UTRN: variants seen among roughly 807,000 people sequenced by gnomAD.
UTRN encodes the protein utrophin.
Under a neutral mutation model 463.9 loss-of-function variants are expected in UTRN, and 283 were observed. The observed-to-expected ratio is 0.61, with a 90% CI of 0.55 to 0.67. The LOEUF (loss-of-function observed/expected upper bound fraction) is 0.67, where lower values mean the gene tolerates loss of function less well. Among genes scored for constraint, UTRN ranks in the 30% least tolerant of loss-of-function variants. The pLI is 0.00. For missense variants in UTRN, 3,922 were observed against 4,084.3 expected (o/e 0.96, Z 1.08); for synonymous variants, 1,442 against 1,431.5 (o/e 1.01, Z -0.17).
At chr6:144,730,808 A>G (rs1438558831) in intron 54 of UTRN, among the ~76,000 whole-genome samples, 1 of 151,546 alleles carries the variant, frequency 6.6e-6, no homozygotes, top group Non-Finnish European at 1.5e-5. Context: ...AAGTTACATG[A>G]TAAATAATTG....
At position 144,517,680 on chromosome 6, in the gene UTRN, T is replaced by A. The variant is rs114817496; in HGVS notation, c.5541+732T>A. On this transcript the variant is annotated intron_variant, in intron 39 of 74. Transcript: ENST00000367545. ...TTTTCTATGTTTAGATATGTTTAGATACATAAATACTTCCAACTGTGTTTC... is the reference window on the plus strand; with the variant it reads ...TTTTCTATGTTTAGATATGTTTAGAAACATAAATACTTCCAACTGTGTTTC... Among the ~76,000 whole-genome samples the A allele has an allele frequency of 3.6e-3, 552 of 152,358 alleles. 2 individuals are homozygous for A. Among genetic ancestry groups the A allele is most frequent in the African/African-American group, 0.013 (536 of 41,588 alleles).
chr6:144,797,717 T>C, intron 63 of UTRN, 107 bp from the exon 64 acceptor site: 1 of 1,128,296 alleles, frequency 8.9e-7, no homozygotes. Context: ...AAGAGTTATA[T>C]AGTTTCCTCT....
At chr6:144,381,528 G>C (rs964748758) in intron 2 of UTRN, among the ~76,000 whole-genome samples, 4 of 152,172 alleles carry the variant, frequency 2.6e-5, no homozygotes, top group Non-Finnish European at 5.9e-5. Flanking sequence ...TGGCTTGTCT[G>C]TGTCTCCACC....
At chr6:144,535,517 C>T (rs530966028) in intron 43 of UTRN, among the ~76,000 whole-genome samples, 3 of 152,140 alleles carry the variant, frequency 2.0e-5, no homozygotes, top group South Asian at 4.1e-4. Flanking sequence ...GAAGCTAATA[C>T]GTGTTTTTAC....
intron 9 of UTRN, among the ~76,000 whole-genome samples, chr6:144,434,414 G>T (rs1306222835): frequency 1.3e-5 from 2 of 152,192 alleles, no homozygotes; most frequent in Non-Finnish European, 2.9e-5. Flanking sequence ...AAATGTGGAA[G>T]ATGAAGGAGA....
chr6:144,715,677 CTCA>C (rs1786333727), intron 53 of UTRN, among the ~76,000 whole-genome samples: 2 of 144,170 alleles, frequency 1.4e-5, no homozygotes, highest in African/African-American at 2.8e-5. Context: ...TTCTCTCTCT[CTCA>C]TTCTCTCTCT....
intron 19 of UTRN, among the ~76,000 whole-genome samples, chr6:144,456,839 T>G (rs1212317185): frequency 6.6e-6 from 1 of 152,096 alleles, no homozygotes; most frequent in Non-Finnish European, 1.5e-5. Flanking sequence ...TATGAATCAA[T>G]GCCCATTGTG....
At chr6:144,516,784 A>ATT in intron 38 of UTRN, 27 bp from the exon 39 acceptor site, 11 of 1,305,166 alleles carry the variant, frequency 8.4e-6, no homozygotes, top group South Asian at 6.0e-5. Flanking sequence ...CTTTTGAGTC[A>ATT]TTTTTTTTTT....
chr6:144,749,449 C>G (rs962951798), intron 55 of UTRN, among the ~76,000 whole-genome samples: 3 of 152,172 alleles, frequency 2.0e-5, no homozygotes, highest in African/African-American at 7.2e-5. Flanking sequence ...CAACAGACTT[C>G]CAGTTAGCAC....
At chr6:144,310,564 T>C (rs1326389899) in intron 2 of UTRN, among the ~76,000 whole-genome samples, 1 of 125,852 alleles carries the variant, frequency 7.9e-6, no homozygotes, top group African/African-American at 3.1e-5. Flanking sequence ...TGGCTGGGCA[T>C]GGTAGTGCAT....
rs770716923 is a variant in UTRN, at chr6:144,510,926, G to C, written c.4765-18G>C. 2 of 1,540,330 alleles carry C rather than the reference G, an allele frequency of 1.3e-6. No homozygotes were observed. Among genetic ancestry groups the C allele is most frequent in the Non-Finnish European group, 1.8e-6 (2 of 1,137,770 alleles). On this transcript the variant is annotated intron_variant, in intron 34 of 74. Coordinates refer to ENST00000367545, the MANE Select transcript of UTRN (RefSeq NM_007124.3). ...TATTCTGAAGCATCAAGTAGGTCTTGGTGTTTTTATTTTCTAGAATGTTCT... is the reference window on the plus strand; with the variant it reads ...TATTCTGAAGCATCAAGTAGGTCTTCGTGTTTTTATTTTCTAGAATGTTCT...
intron 53 of UTRN, among the ~76,000 whole-genome samples, chr6:144,725,250 C>T (rs1051472657): frequency 2.0e-5 from 3 of 152,202 alleles, no homozygotes; most frequent in Non-Finnish European, 4.4e-5. Flanking sequence ...TAAGACGTCC[C>T]TTTGCTCTTC....
chr6:144,583,569 T>G, intron 51 of UTRN: 1 of 713,846 alleles, frequency 1.4e-6, no homozygotes, highest in South Asian at 1.5e-5. Context: ...AGGATGGCAG[T>G]TTCTTCTCCT....
At chr6:144,455,894 T>A (rs1194061172) in intron 19 of UTRN, among the ~76,000 whole-genome samples, 2 of 152,166 alleles carry the variant, frequency 1.3e-5, no homozygotes, top group African/African-American at 4.8e-5. Context: ...GGACATTGAG[T>A]TCACATGAAA....
chr6:144,805,854 A>G (rs1211607496), intron 65 of UTRN, among the ~76,000 whole-genome samples: 1 of 152,176 alleles, frequency 6.6e-6, no homozygotes, highest in East Asian at 1.9e-4. Context: ...GGGAACAGAA[A>G]GAAACCAGGA....
chr6:144,468,669 G>A (rs1181290543), intron 23 of UTRN, among the ~76,000 whole-genome samples: 4 of 151,984 alleles, frequency 2.6e-5, no homozygotes, highest in Admixed American at 6.6e-5. Flanking sequence ...CGTCATTATT[G>A]TAGATTAGAA....
At chr6:144,390,656 A>G (rs1781825305) in intron 2 of UTRN, among the ~76,000 whole-genome samples, 1 of 152,198 alleles carries the variant, frequency 6.6e-6, no homozygotes, top group Non-Finnish European at 1.5e-5. Context: ...TCTCTCTTCT[A>G]CAAATGCCTT....
intron 2 of UTRN, among the ~76,000 whole-genome samples, chr6:144,293,059 A>G (rs1804388100): frequency 1.3e-5 from 2 of 152,178 alleles, no homozygotes; most frequent in Non-Finnish European, 2.9e-5. Context: ...GTTTTAAAAT[A>G]TGCTTTGAGG....
intron 51 of UTRN, among the ~76,000 whole-genome samples, chr6:144,672,904 T>A (rs1485577820): frequency 1.3e-5 from 2 of 152,160 alleles, no homozygotes; most frequent in Non-Finnish European, 2.9e-5. Flanking sequence ...ATTTTTTAAT[T>A]TCCATCTTGA....
Sources: allele counts gnomAD v4.1 joint callset (sites outside exome capture counted in the v4.1 genomes callset), GRCh38; gene constraint gnomAD v4.1.1; transcripts MANE v1.5; gene names NCBI Gene and HGNC (gene_info 2026-07-23, HGNC 2026-07-21).